Variants in MICAL3 observed in about 807,000 individuals in gnomAD.
MICAL3 encodes the protein [F-actin]-monooxygenase MICAL3.
A neutral mutation model predicts 207.4 loss-of-function variants in MICAL3; 62 were observed. The observed-to-expected ratio is 0.30, with a 90% CI of 0.24 to 0.37. The LOEUF is 0.37. Among genes scored for constraint, MICAL3 ranks in the 10% least tolerant of loss-of-function variants. The pLI is 1.00. For synonymous variants in MICAL3, 1,077 were observed against 1,069.3 expected (o/e 1.01, Z -0.14); for missense variants, 2,368 against 2,635.6 (o/e 0.90, Z 2.22).
intron 19 of MICAL3, among the ~76,000 whole-genome samples, chr22:17,843,916 T>G (rs1446621428): frequency 6.6e-6 from 1 of 152,014 alleles, no homozygotes; most frequent in Non-Finnish European, 1.5e-5. Flanking sequence ...GCACGATCTC[T>G]GCTCACTGCA....
Position 17,860,450 on chromosome 22 carries a change from C to T in MICAL3, c.2605+4449G>A, listed in dbSNP as rs566588906. On this transcript the variant is annotated intron_variant, in intron 19 of 31. Transcript: ENST00000441493. ...CGCCGCCGGGAAGCCGGCTGGCTGT[C>T]CGCCCCTCCCGCAGGCACCCCAAGC... 3.3e-5 allele frequency: 33 copies of T among 985,468 alleles called. No homozygotes were observed. In the East Asian group the frequency reaches 1.8e-3, roughly 54 times the overall value. 61.0% of individuals were successfully genotyped at this position (985,468 alleles called of 1,614,324 possible). A position where few individuals can be genotyped will look rare whatever the true frequency, so the allele number is the denominator to read the frequency against.
At chr22:17,994,402 C>T (rs1214852158) in intron 1 of MICAL3, among the ~76,000 whole-genome samples, 6 of 152,178 alleles carry the variant, frequency 3.9e-5, no homozygotes, top group African/African-American at 1.2e-4. Context: ...TCCCGGGACC[C>T]ATGCTACCTC....
rs150440991 is a variant in MICAL3 at position 17,828,915 on chromosome 22, T to TATAG, written c.3056-1135_3056-1134insCTAT. On this transcript the variant is annotated intron_variant, in intron 21 of 31. Coordinates refer to ENST00000441493, the MANE Select transcript of MICAL3 (RefSeq NM_015241.3). Reference sequence around the variant, plus strand: ...AATCTGGCCTTGGCTTCAGTCACTATGACAGCCTCTTCAAGCAACAGGGAA... The same window carrying TATAG: ...AATCTGGCCTTGGCTTCAGTCACTATATAGGACAGCCTCTTCAAGCAACAGGGAA... Among the ~76,000 whole-genome samples, 1,212 of 152,318 alleles carry TATAG rather than the reference T, an allele frequency of 8.0e-3. 14 individuals are homozygous for TATAG. Among genetic ancestry groups the TATAG allele is most frequent in the African/African-American group, 0.028 (1,159 of 41,564 alleles).
In MICAL3 at chr22:17,896,798, C is replaced by A. The variant is rs780087635; in HGVS notation, c.1132G>T (p.Glu378Ter). 1.9e-6 allele frequency: 3 copies of A among 1,614,048 alleles called. No individual in the cohort carries two copies. In the Admixed American group the frequency reaches 5.0e-5, roughly 27 times the overall value. The change falls in exon 8 of 32, where the codon GAG becomes TAG. Residue 378 changes from glutamate to a stop codon, truncating the protein, a stop_gained. Transcript: ENST00000441493. LOFTEE classifies it high-confidence loss of function. ...MFDFTCMYAS[E>*]NAALVREQNG... ...TGCTCCCGCACCAAGGCGGCGTTCT[C>A]GGAGGCATACATACAAGTGAAGTCA...
At chr22:17,932,595 T>C (rs1933320804) in intron 1 of MICAL3, among the ~76,000 whole-genome samples, 1 of 152,182 alleles carries the variant, frequency 6.6e-6, no homozygotes, top group African/African-American at 2.4e-5. Flanking sequence ...CCAGCGAACA[T>C]CATAATGACA....
Position 17,895,418 on chromosome 22 carries a change from AAC to A in MICAL3, c.1323-10_1323-9del, listed in dbSNP as rs1351759220. 1 of 1,613,496 alleles carries A rather than the reference AAC, an allele frequency of 6.2e-7. No homozygotes were observed. The highest frequency in any genetic ancestry group is 1.7e-5 in the Admixed American group (1 of 59,988). On this transcript the variant is annotated splice_polypyrimidine_tract_variant and intron_variant, in intron 9 of 31. Coordinates refer to ENST00000441493, the MANE Select transcript of MICAL3 (RefSeq NM_015241.3). ...AACCTGTAAATACTTTCCCTGCAAT[AAC>A]ACAACAATATACTCAGAATCGGGAC...
intron 24 of MICAL3, 139 bp downstream of exon 24, chr22:17,821,891 G>T: frequency 9.0e-7 from 1 of 1,114,254 alleles, no homozygotes; most frequent in South Asian, 1.5e-5. Context: ...GGAGGAAAAG[G>T]CAAGGAGCTG....
At chr22:17,885,411 G>A (rs1196991355) in intron 16 of MICAL3, among the ~76,000 whole-genome samples, 1 of 151,968 alleles carries the variant, frequency 6.6e-6, no homozygotes, top group Admixed American at 6.6e-5. Flanking sequence ...AAGGAGAATC[G>A]AAAAGTATAT....
At chr22:17,923,125 A>G (rs1046586499) in intron 1 of MICAL3, among the ~76,000 whole-genome samples, 2 of 152,152 alleles carry the variant, frequency 1.3e-5, no homozygotes, top group African/African-American at 4.8e-5. Flanking sequence ...TGAAACATTC[A>G]GAGAAAGTGA....
At chr22:17,848,023 G>C (rs923654668) in intron 19 of MICAL3, among the ~76,000 whole-genome samples, 8 of 152,012 alleles carry the variant, frequency 5.3e-5, no homozygotes, top group Admixed American at 5.2e-4. Context: ...TCCCTGCCCC[G>C]ATCTTCTTGA....
rs370452839 is a variant in MICAL3, at chr22:17,872,037, C to A, written c.2242-14G>T. On this transcript the variant is annotated splice_polypyrimidine_tract_variant and intron_variant, in intron 16 of 31. Transcript: ENST00000441493. ...CTTCATGGAGCCCTGCAGGAGGTGG[C>A]GGTCGGGAGGAAGGGGAGCACCTCA... 6.3e-7 allele frequency: 1 copy of A among 1,586,582 alleles called. No individual in the cohort carries two copies. Among genetic ancestry groups the A allele is most frequent in the Non-Finnish European group, 8.6e-7 (1 of 1,166,410 alleles).
chr22:17,978,060 AAAAAT>A (rs1261436930), intron 1 of MICAL3, among the ~76,000 whole-genome samples: 4 of 138,872 alleles, frequency 2.9e-5, no homozygotes, highest in South Asian at 4.4e-4. Context: ...AATAAAATAA[AAAAAT>A]ATACACCTAC....
At chr22:17,928,949 C>T (rs1933071140) in intron 1 of MICAL3, among the ~76,000 whole-genome samples, 1 of 152,144 alleles carries the variant, frequency 6.6e-6, no homozygotes, top group Non-Finnish European at 1.5e-5. Context: ...CGCCCGCCAC[C>T]ACGCCTGGCT....
At chr22:17,947,026 G>A (rs1025257595) in intron 1 of MICAL3, among the ~76,000 whole-genome samples, 12 of 152,216 alleles carry the variant, frequency 7.9e-5, no homozygotes, top group African/African-American at 2.4e-4. Context: ...AAAGTGGGAG[G>A]GAAGAAATTG....
intron 1 of MICAL3, among the ~76,000 whole-genome samples, chr22:17,984,550 G>A (rs1349047783): frequency 4.3e-5 from 3 of 69,442 alleles, no homozygotes; most frequent in Admixed American, 1.4e-4. Flanking sequence ...CACCCCCCAC[G>A]CCCCACCCAG....
rs1176381635 is a variant in MICAL3 at position 17,817,580 on chromosome 22, C to T, written c.5081G>A (p.Gly1694Glu). ...GAGTGACGACCTCTTCTTGCTCTTC[C>T]CACTGGAGCCCTCGGATGAAGTGAA... ...GSFTSSEGSSGKSKKRSSLFS... is the reference protein window; with the variant it reads ...GSFTSSEGSSEKSKKRSSLFS... Residue 1694 changes from glycine (G) to glutamate (E), a missense_variant, in exon 26 of 32, where the codon GGG becomes GAG. By Grantham distance (98) the Gly-to-Glu change is moderately conservative (BLOSUM62 -2). Transcript: ENST00000441493. The T allele has an allele frequency of 1.9e-5, 31 of 1,613,262 alleles. No individual in the cohort carries two copies. Among genetic ancestry groups the T allele is most frequent in the Non-Finnish European group, 2.5e-5 (30 of 1,179,836 alleles).
chr22:17,958,351 G>A (rs756250658), intron 1 of MICAL3, among the ~76,000 whole-genome samples: 23 of 152,174 alleles, frequency 1.5e-4, no homozygotes, highest in African/African-American at 3.6e-4. Context: ...TGAGTTGAAC[G>A]CACTCCACAC....
intron 19 of MICAL3, among the ~76,000 whole-genome samples, chr22:17,846,190 G>A (rs1924608496): frequency 6.6e-6 from 1 of 152,194 alleles, no homozygotes; most frequent in African/African-American, 2.4e-5. Context: ...GACCCACCAG[G>A]CCATTGAGCC....
chr22:17,820,430 C>G (rs190933623), intron 25 of MICAL3, among the ~76,000 whole-genome samples: 47 of 152,352 alleles, frequency 3.1e-4, no homozygotes, highest in Non-Finnish European at 5.9e-4. Context: ...TCTCGGCTCA[C>G]TGCAAGCTCC....
Sources: gnomAD v4.1 joint callset for allele counts (sites outside exome capture counted in the v4.1 genomes callset) on GRCh38, gnomAD v4.1.1 for gene constraint, MANE v1.5 for transcripts, NCBI Gene and HGNC (gene_info 2026-07-23, HGNC 2026-07-21) for gene names.